The following COL9A1 variants were observed in gnomAD, a reference collection of about 807,000 sequenced individuals.
COL9A1 encodes the protein collagen alpha-1(IX) chain.
Under a neutral mutation model 142.6 loss-of-function variants are expected in COL9A1, and 104 were observed. The ratio of observed to expected loss-of-function variants is 0.73; its 90% CI spans 0.62 to 0.86. The LOEUF is 0.86. Among genes scored for constraint, COL9A1 ranks in the 40% least tolerant of loss-of-function variants. The pLI is 0.00. For missense variants in COL9A1, 1,210 were observed against 1,176.6 expected (o/e 1.03, Z -0.42); for synonymous variants, 466 against 396.0 (o/e 1.18, Z -2.10).
chr6:70,223,638 T>C (rs1769031684), intron 37 of COL9A1, among the ~76,000 whole-genome samples: 1 of 152,214 alleles, frequency 6.6e-6, no homozygotes, highest in African/African-American at 2.4e-5. Flanking sequence ...ACCCAAGCCC[T>C]CAGCTGGTGC....
chr6:70,224,350 A>C (rs554370746), intron 37 of COL9A1, among the ~76,000 whole-genome samples: 1 of 152,318 alleles, frequency 6.6e-6, no homozygotes, highest in East Asian at 1.9e-4. Context: ...TGCTTCTGAC[A>C]GTCTGGGACA....
In COL9A1 at chr6:70,255,458, A is replaced by C. The variant is rs1771221085; in HGVS notation, c.1504-68T>G. ...TATTAATCAACTTTTAAAAATTAGA[A>C]AGTATCATCCACGTCACCAAACTAT... On this transcript the variant is annotated intron_variant, in intron 21 of 37. Transcript: ENST00000357250. The C allele has an allele frequency of 3.6e-6, 5 of 1,388,434 alleles. No homozygotes were observed. In the Admixed American group the frequency reaches 8.4e-5, roughly 23 times the overall value. The allele number at this position is 1,388,434 out of a possible 1,614,324, so 86.0% of individuals were successfully genotyped here.
chr6:70,236,836 T>A (rs1455863510), intron 33 of COL9A1, among the ~76,000 whole-genome samples: 1 of 152,154 alleles, frequency 6.6e-6, no homozygotes, highest in Non-Finnish European at 1.5e-5. Flanking sequence ...TTTTTTTTTT[T>A]TTGAGATGGA....
In COL9A1 at chr6:70,234,739, G is replaced by C. The variant is rs10945205; in HGVS notation, c.2259+55C>G. On this transcript the variant is annotated intron_variant, in intron 34 of 37. Coordinates refer to ENST00000357250, the MANE Select transcript of COL9A1 (RefSeq NM_001851.6). ...AGAAGCTGATGCCTAGAACAGCCCT[G>C]CTGCTGTGGGATGGAGTCTCCAAAG... 324,417 of 1,610,424 alleles carry C rather than the reference G, an allele frequency of 0.2. 35,422 individuals carry two copies. Among genetic ancestry groups the C allele is most frequent in the Non-Finnish European group, 0.22 (259,698 of 1,177,100 alleles).
rs1158897975 is a variant in COL9A1 at position 70,216,697 on chromosome 6, G to A, written c.*200C>T. 3.2e-6 allele frequency: 2 copies of A among 622,710 alleles called. No individual in the cohort carries two copies. The highest frequency in any genetic ancestry group is 5.7e-6 in the Non-Finnish European group (2 of 349,650). The allele number at this position is 622,710 out of a possible 1,614,324, so 38.6% of individuals were successfully genotyped here. ...GATGACTCTGCTGTCTTCCCTCCAA[G>A]GGAAAGGAAAGAGAACTTACTGAAT... On this transcript the variant is annotated 3_prime_UTR_variant, in exon 38 of 38. Coordinates refer to ENST00000357250, the MANE Select transcript of COL9A1 (RefSeq NM_001851.6).
intron 28 of COL9A1, among the ~76,000 whole-genome samples, chr6:70,251,793 T>C (rs1770962398): frequency 6.6e-6 from 1 of 152,222 alleles, no homozygotes; most frequent in African/African-American, 2.4e-5. Flanking sequence ...TCCATCAATA[T>C]GCTAAAAATC....
At chr6:70,229,559 CAT>C (rs756901117) in intron 36 of COL9A1, among the ~76,000 whole-genome samples, 8 of 152,120 alleles carry the variant, frequency 5.3e-5, no homozygotes, top group East Asian at 1.9e-4. Flanking sequence ...ATAATTATGA[CAT>C]GTGTGTTTTC....
chr6:70,221,417 T>C (rs528659085), intron 37 of COL9A1, among the ~76,000 whole-genome samples: 1 of 152,306 alleles, frequency 6.6e-6, no homozygotes, highest in South Asian at 2.1e-4. Context: ...TATAAACTGG[T>C]TTATGTAAGG....
chr6:70,241,671 G>A (rs1770268268), intron 30 of COL9A1, among the ~76,000 whole-genome samples: 1 of 152,114 alleles, frequency 6.6e-6, no homozygotes, highest in African/African-American at 2.4e-5. Context: ...GGCATTCTCT[G>A]ATCACATCCT....
intron 36 of COL9A1, among the ~76,000 whole-genome samples, chr6:70,227,034 T>G (rs1256383438): frequency 1.3e-5 from 2 of 152,084 alleles, no homozygotes; most frequent in Non-Finnish European, 2.9e-5. Context: ...ATACAGGATT[T>G]GGGTTTATAA....
chr6:70,273,970 A>G (rs756510378), intron 12 of COL9A1, 77 bp downstream of exon 12: 2 of 757,346 alleles, frequency 2.6e-6, no homozygotes, highest in East Asian at 7.4e-5. Context: ...TAAATAAATA[A>G]ATAAAAAGAT....
intron 12 of COL9A1, among the ~76,000 whole-genome samples, chr6:70,272,775 C>G (rs1772491104): frequency 6.6e-6 from 1 of 152,166 alleles, no homozygotes; most frequent in Non-Finnish European, 1.5e-5. Context: ...TGAACCACAT[C>G]TTATTCATCT....
intron 6 of COL9A1, 120 bp from the exon 7 acceptor site, chr6:70,283,038 C>T (rs752701734): frequency 5.0e-6 from 8 of 1,605,754 alleles, no homozygotes; most frequent in East Asian, 2.2e-5. Flanking sequence ...CGCGGTCCCG[C>T]GCAGTCCAGG....
At chr6:70,263,369 G>T in intron 18 of COL9A1, 72 bp from the exon 19 acceptor site, 1 of 1,335,738 alleles carries the variant, frequency 7.5e-7, no homozygotes, top group Non-Finnish European at 1.0e-6. Flanking sequence ...AATAGGCTTG[G>T]TCTAACTCAT....
chr6:70,284,044 T>C (rs143196380), intron 5 of COL9A1, among the ~76,000 whole-genome samples: 85 of 152,312 alleles, frequency 5.6e-4, no homozygotes, highest in Non-Finnish European at 9.6e-4. Context: ...TAGATGTCTT[T>C]AGCTTTGAAT....
At chr6:70,215,932 CACACACAT>C (rs1344063686), downstream of COL9A1, 1 of 152,088 alleles carries the variant, frequency 6.6e-6, no homozygotes, top group African/African-American at 2.4e-5. Flanking sequence ...CACACACACA[CACACACAT>C]ACGCATCTGT....
chr6:70,242,426 A>T (rs1384523286), intron 29 of COL9A1, among the ~76,000 whole-genome samples: 1 of 152,208 alleles, frequency 6.6e-6, no homozygotes, highest in African/African-American at 2.4e-5. Flanking sequence ...GGCCAAATGC[A>T]GCACTTCACA....
At chr6:70,265,509 T>TC (rs1362526778) in intron 18 of COL9A1, among the ~76,000 whole-genome samples, 1 of 151,846 alleles carries the variant, frequency 6.6e-6, no homozygotes, top group African/African-American at 2.4e-5. Context: ...ACTTTTTTTT[T>TC]TTTTTTTGGC....
intron 28 of COL9A1, among the ~76,000 whole-genome samples, chr6:70,251,559 C>T (rs1194659968): frequency 6.6e-6 from 1 of 152,154 alleles, no homozygotes; most frequent in African/African-American, 2.4e-5. Flanking sequence ...AAAAAATTAA[C>T]TATTTATTTT....
Sources: gnomAD v4.1 joint callset for allele counts (sites outside exome capture counted in the v4.1 genomes callset) on GRCh38, gnomAD v4.1.1 for gene constraint, MANE v1.5 for transcripts, NCBI Gene and HGNC (gene_info 2026-07-23, HGNC 2026-07-21) for gene names.